The following ATR variants were observed in gnomAD, a reference collection of about 807,000 sequenced individuals.
ATR encodes the protein ATR checkpoint kinase.
A neutral mutation model predicts 305.3 loss-of-function variants in ATR; 142 were observed. That is an observed-to-expected ratio of 0.47 (90% CI 0.41 to 0.53). The LOEUF is 0.53. Ranked by LOEUF, ATR falls within the 20% of genes least tolerant of loss-of-function variation. ATR has a pLI of 0.00. For synonymous variants in ATR, 1,050 were observed against 1,068.1 expected, an observed-to-expected ratio of 0.98 and a Z score of 0.33; for missense variants, 2,135 against 3,133.1, an observed-to-expected ratio of 0.68 and a Z score of 7.60.
intron 2 of ATR, 58 bp from the exon 3 acceptor site, chr3:142,566,319 T>C: frequency 6.3e-7 from 1 of 1,584,196 alleles, no homozygotes; most frequent in Non-Finnish European, 8.7e-7. Flanking sequence ...GGTCCTTTTG[T>C]TAAGAAACCA....
intron 39 of ATR, among the ~76,000 whole-genome samples, 183 bp downstream of exon 39, chr3:142,467,751 T>C (rs1294151160): frequency 1.3e-5 from 2 of 152,100 alleles, no homozygotes; most frequent in African/African-American, 4.8e-5. Flanking sequence ...GGAAGTAAGA[T>C]GTATTAGAAA....
intron 17 of ATR, among the ~76,000 whole-genome samples, chr3:142,542,303 T>C (rs904842340): frequency 2.6e-5 from 4 of 152,280 alleles, no homozygotes; most frequent in African/African-American, 9.6e-5. Flanking sequence ...ATTGAGGTCA[T>C]TAACTGGCTC....
In ATR at chr3:142,521,083, T is replaced by A. The variant is rs145191511; in HGVS notation, c.4267-1299A>T. Among the ~76,000 whole-genome samples, 484 of 152,306 alleles carry A rather than the reference T, an allele frequency of 3.2e-3. 1 individual carries two copies. Among genetic ancestry groups the A allele is most frequent in the African/African-American group, 0.011 (441 of 41,554 alleles). ...TAGGCTAAATCTAAATATATGCGTC[T>A]ACTATATACCCATAAAAATTGAAAA... On this transcript the variant is annotated intron_variant, in intron 23 of 46. Coordinates refer to ENST00000350721, the MANE Select transcript of ATR (RefSeq NM_001184.4).
chr3:142,537,860 C>G (rs1352628315), intron 19 of ATR, among the ~76,000 whole-genome samples: 1 of 152,128 alleles, frequency 6.6e-6, no homozygotes, highest in African/African-American at 2.4e-5. Flanking sequence ...TGGCTATAGC[C>G]TAATGCCTGT....
intron 1 of ATR, among the ~76,000 whole-genome samples, chr3:142,568,364 A>G (rs1471819228): frequency 1.3e-5 from 2 of 152,248 alleles, no homozygotes; most frequent in African/African-American, 4.8e-5. Context: ...AAGAGATCCA[A>G]TCAGCAAAGC....
intron 20 of ATR, 47 bp from the exon 21 acceptor site, chr3:142,535,252 A>G (rs780958006): frequency 6.2e-7 from 1 of 1,608,682 alleles, no homozygotes; most frequent in South Asian, 1.1e-5. Context: ...CAACTATTTT[A>G]ACAACCATTT....
intron 31 of ATR, 132 bp from the exon 32 acceptor site, chr3:142,498,906 A>G: frequency 1.2e-6 from 1 of 865,710 alleles, no homozygotes; most frequent in Non-Finnish European, 1.8e-6. Context: ...TTTGAGACAG[A>G]GTCTCACTCT....
Position 142,553,906 on chromosome 3 carries a change from G to C in ATR, c.2451C>G (p.Asp817Glu), listed in dbSNP as rs746890094. The change falls in exon 11 of 47, where the codon GAC becomes GAG. Residue 817 changes from aspartate to glutamate, a missense_variant. By Grantham distance (45) the Asp-to-Glu change is conservative. Around this residue, in one of 9 missense-constraint regions of ATR, gnomAD observed 530 missense variants for 766.8 expected, o/e 0.69. Transcript: ENST00000350721. ...CACTAAAAGCCACTCTAACATCTTT[G>C]TCTGGATCTTCCATTAAATTTAATA... ...GTLLNLMEDP[D>E]KDVRVAFSGN... is the part of the protein sequence containing the mutation. 11 of 1,613,032 alleles carry C rather than the reference G, an allele frequency of 6.8e-6. No homozygotes were observed. In the East Asian group the frequency reaches 2.5e-4, roughly 36 times the overall value.
intron 36 of ATR, among the ~76,000 whole-genome samples, chr3:142,473,696 C>T (rs1198160084): frequency 6.6e-6 from 1 of 151,942 alleles, no homozygotes; most frequent in Non-Finnish European, 1.5e-5. Context: ...CAGGTGCATG[C>T]CACCATGCCC....
chr3:142,511,424 G>C (rs1464534768), intron 27 of ATR, among the ~76,000 whole-genome samples: 4 of 152,154 alleles, frequency 2.6e-5, no homozygotes, highest in African/African-American at 9.7e-5. Flanking sequence ...GGGAGGCTGA[G>C]GTGGGTGGAT....
In ATR at chr3:142,563,152, C is replaced by T. The variant is rs112718453; in HGVS notation, c.293-43G>A. On this transcript the variant is annotated intron_variant, in intron 3 of 46. Coordinates refer to ENST00000350721, the MANE Select transcript of ATR (RefSeq NM_001184.4). ...AAGATATTAAATAAACAAGTATATC[C>T]GAAGTGCTAATTCATTTGCTAAATC... 30,462 of 1,545,094 alleles carry T rather than the reference C, an allele frequency of 0.02. 384 individuals carry two copies. The highest frequency in any genetic ancestry group is 0.041 in the South Asian group (3,440 of 83,022).
intron 11 of ATR, 25 bp downstream of exon 11, chr3:142,553,800 A>T (rs750717441): frequency 1.2e-6 from 2 of 1,612,036 alleles, no homozygotes; most frequent in Non-Finnish European, 1.7e-6. Flanking sequence ...CGTAAACTCA[A>T]ATGTTAAAAA....
Position 142,542,706 on chromosome 3 carries a change from G to A in ATR, c.3409C>T (p.Gln1137Ter), listed in dbSNP as rs2108441280. 6.2e-7 allele frequency: 1 copy of A among 1,613,232 alleles called. No individual in the cohort carries two copies. Among genetic ancestry groups the A allele is most frequent in the Non-Finnish European group, 8.5e-7 (1 of 1,179,648 alleles). Residue 1137 changes from glutamine to a stop codon, truncating the protein, a stop_gained, in exon 17 of 47, where the codon CAG becomes TAG. Coordinates refer to ENST00000350721, the MANE Select transcript of ATR (RefSeq NM_001184.4). LOFTEE classifies it high-confidence loss of function. ...LLGILAFFNM[Q>*]LLSSSVGIED... ...ATGCCAACACTAGAGCTCAGTAACT[G>A]CATGTTAAAAAAAGCCAAAATGCCC...
chr3:142,550,389 C>A (rs1403515461), intron 13 of ATR, 87 bp from the exon 14 acceptor site: 13 of 1,365,870 alleles, frequency 9.5e-6, no homozygotes, highest in Non-Finnish European at 1.2e-5. Context: ...AGGGCAGTAT[C>A]AAATAGTATT....
At chr3:142,469,189 T>C (rs1168662246) in intron 38 of ATR, 148 bp downstream of exon 38, 6 of 589,956 alleles carry the variant, frequency 1.0e-5, no homozygotes, top group African/African-American at 7.5e-5. Flanking sequence ...ATGCTATAAA[T>C]TTCTCTCTTT....
intron 30 of ATR, among the ~76,000 whole-genome samples, chr3:142,501,837 C>G (rs900384125): frequency 6.6e-6 from 1 of 152,160 alleles, no homozygotes; most frequent in African/African-American, 2.4e-5. Context: ...CTCCATCTCC[C>G]AGGTTCAAGC....
chr3:142,517,664 T>TA (rs2032925703), intron 24 of ATR, among the ~76,000 whole-genome samples: 1 of 152,208 alleles, frequency 6.6e-6, no homozygotes, highest in Admixed American at 6.5e-5. Context: ...TGCTCAGGTA[T>TA]AAAAGCTAAA....
At chr3:142,453,298 ATATT>A in intron 45 of ATR, 65 bp from the exon 46 acceptor site, 2 of 1,535,100 alleles carry the variant, frequency 1.3e-6, no homozygotes, top group Non-Finnish European at 1.8e-6. Context: ...GCTGACATCA[ATATT>A]TAAGTGAAGG....
chr3:142,568,004 T>C (rs1390067565), intron 2 of ATR, 59 bp downstream of exon 2: 2 of 1,323,220 alleles, frequency 1.5e-6, no homozygotes, highest in African/African-American at 1.5e-5. Context: ...CTATAATTTA[T>C]ACATGGAAAA....
Sources: allele counts gnomAD v4.1 joint callset (sites outside exome capture counted in the v4.1 genomes callset), GRCh38; gene constraint gnomAD v4.1.1; regional missense constraint gnomAD v4.1.1; transcripts MANE v1.5; gene names NCBI Gene and HGNC (gene_info 2026-07-23, HGNC 2026-07-21).